The following LRRC37A2 variants were observed in gnomAD, a reference collection of about 807,000 sequenced individuals.
The protein encoded by LRRC37A2 is leucine rich repeat containing 37 member A2, also known as leucine-rich repeat-containing protein 37A2.
LRRC37A2 carries 9 observed loss-of-function variants against 68.8 expected under a neutral mutation model. The ratio of observed to expected loss-of-function variants is 0.13; its 90% CI spans 0.08 to 0.23. LRRC37A2 has a LOEUF of 0.23. LRRC37A2 is among the 10% of genes least tolerant of loss of function. The pLI, the probability that LRRC37A2 is intolerant of heterozygous loss-of-function variation, is 1.00. For missense variants in LRRC37A2, 168 were observed against 950.4 expected, an observed-to-expected ratio of 0.18 and a Z score of 10.82; for synonymous variants, 63 against 367.6, an observed-to-expected ratio of 0.17 and a Z score of 9.48.
At chr17:46,681,752 A>C in the LRRC37A2 span, among the ~76,000 whole-genome samples, 1 of 43,128 alleles carries the variant, frequency 2.3e-5, no homozygotes, top group Non-Finnish European at 4.1e-5. Flanking sequence ...CATTTCATTA[A>C]GTTCTTGTTC....
the LRRC37A2 span, among the ~76,000 whole-genome samples, chr17:46,619,784 A>AAG: frequency 2.3e-5 from 2 of 88,182 alleles, no homozygotes; most frequent in Non-Finnish European, 4.2e-5. Context: ...AAAAAAAAAA[A>AAG]AAAAAAAAAA....
chr17:47,048,341 A>G, the LRRC37A2 span, among the ~76,000 whole-genome samples: 1 of 151,790 alleles, frequency 6.6e-6, no homozygotes, highest in African/African-American at 2.4e-5. Flanking sequence ...TGCAGTCAGA[A>G]GCTTTGGCTG....
the LRRC37A2 span, chr17:46,830,488 A>G: frequency 2.5e-6 from 1 of 392,868 alleles, no homozygotes; most frequent in South Asian, 1.4e-4. Flanking sequence ...TCTTGGGCTC[A>G]GGAGATCCTC....
At chr17:46,810,004 C>CTTTCT in the LRRC37A2 span, among the ~76,000 whole-genome samples, 12 of 126,390 alleles carry the variant, frequency 9.5e-5, no homozygotes, top group Non-Finnish European at 2.0e-4. Context: ...TTCTTTCTTT[C>CTTTCT]TTTTTTTTTT....
At chr17:47,028,998 G>T in the LRRC37A2 span, among the ~76,000 whole-genome samples, 12 of 152,150 alleles carry the variant, frequency 7.9e-5, no homozygotes, top group African/African-American at 2.9e-4. Flanking sequence ...GGCCAACATG[G>T]CGAAACCTCA....
chr17:46,762,652 TAA>T, the LRRC37A2 span: 1 of 151,590 alleles, frequency 6.6e-6, no homozygotes, highest in Non-Finnish European at 1.5e-5. Context: ...ATAATATTTA[TAA>T]AAAGAGACTT....
chr17:46,815,851 C>T, the LRRC37A2 span, among the ~76,000 whole-genome samples: 1 of 152,128 alleles, frequency 6.6e-6, no homozygotes, highest in Non-Finnish European at 1.5e-5. Context: ...CCATGGCTGC[C>T]CACCAAACAC....
the LRRC37A2 span, among the ~76,000 whole-genome samples, chr17:46,946,864 A>G: frequency 2.6e-5 from 4 of 152,212 alleles, no homozygotes; most frequent in African/African-American, 7.2e-5. Context: ...CTCTGTTTCA[A>G]TTTTAAAAAA....
the LRRC37A2 span, chr17:46,938,605 CAGA>C: frequency 1.2e-6 from 2 of 1,613,822 alleles, no homozygotes; most frequent in Non-Finnish European, 1.7e-6. Context: ...CCAGGGGACT[CAGA>C]AGAAGATCCT....
At chr17:46,795,257 G>A in the LRRC37A2 span, among the ~76,000 whole-genome samples, 15 of 152,206 alleles carry the variant, frequency 9.9e-5, no homozygotes, top group Non-Finnish European at 5.9e-5. Context: ...CCACACCAGC[G>A]CATTCAGCCC....
At chr17:46,922,665 G>C in the LRRC37A2 span, 1 of 156,348 alleles carries the variant, frequency 6.4e-6, no homozygotes, top group African/African-American at 2.4e-5. Flanking sequence ...TAGGTTTACT[G>C]GATGGATAAA....
the LRRC37A2 span, among the ~76,000 whole-genome samples, chr17:46,685,457 G>T: frequency 6.6e-6 from 1 of 151,930 alleles, no homozygotes; most frequent in Non-Finnish European, 1.5e-5. Flanking sequence ...ATTTTGGACA[G>T]TCCACACTGA....
the LRRC37A2 span, among the ~76,000 whole-genome samples, chr17:46,720,003 T>A: frequency 2.6e-5 from 4 of 152,244 alleles, no homozygotes; most frequent in African/African-American, 9.6e-5. Flanking sequence ...CTTCTTTGAA[T>A]ATCCTCCTGT....
chr17:46,887,341 A>G, the LRRC37A2 span, among the ~76,000 whole-genome samples: 1 of 152,178 alleles, frequency 6.6e-6, no homozygotes, highest in Non-Finnish European at 1.5e-5. Flanking sequence ...TGGTCATTAA[A>G]ATTCAGATAA....
the LRRC37A2 span, among the ~76,000 whole-genome samples, chr17:46,496,617 A>C: frequency 3.2e-4 from 28 of 86,570 alleles, no homozygotes; most frequent in South Asian, 2.9e-3. Flanking sequence ...GAAAAAAAAA[A>C]AAACAAAACA....
the LRRC37A2 span, chr17:46,728,764 C>T: frequency 6.4e-5 from 55 of 857,542 alleles, 1 homozygote; most frequent in East Asian, 1.3e-3. Context: ...ACTGTGTTTA[C>T]TTTTGATGCA....
chr17:46,727,545 C>G, the LRRC37A2 span, among the ~76,000 whole-genome samples: 2 of 152,098 alleles, frequency 1.3e-5, no homozygotes, highest in African/African-American at 4.8e-5. Context: ...TTCAGACCTG[C>G]TTTTGGTCCT....
chr17:46,820,487 A>AAGAAAGG, the LRRC37A2 span, among the ~76,000 whole-genome samples: 1 of 151,144 alleles, frequency 6.6e-6, no homozygotes, highest in African/African-American at 2.4e-5. Context: ...GGCAGGGGGG[A>AAGAAAGG]GGCGGAGAGC....
the LRRC37A2 span, among the ~76,000 whole-genome samples, chr17:46,631,076 A>ACACACACACACACACG: frequency 1.4e-5 from 2 of 144,610 alleles, no homozygotes; most frequent in African/African-American, 5.6e-5. Context: ...ACACACACAC[A>ACACACACACACACACG]CACACACACA....
Sources: gnomAD v4.1 joint callset for allele counts (sites outside exome capture counted in the v4.1 genomes callset) on GRCh38, gnomAD v4.1.1 for gene constraint, MANE v1.5 for transcripts, NCBI Gene and HGNC (gene_info 2026-07-23, HGNC 2026-07-21) for gene names.